PTPRD: variants seen among roughly 807,000 people sequenced by gnomAD.
PTPRD encodes the protein protein tyrosine phosphatase receptor type D.
A neutral mutation model predicts 214.5 loss-of-function variants in PTPRD; 34 were observed. That is an observed-to-expected ratio of 0.16 (90% CI 0.12 to 0.21). The LOEUF (loss-of-function observed/expected upper bound fraction) is 0.21, where lower values mean the gene tolerates loss of function less well. Ranked by LOEUF, PTPRD falls within the 10% of genes least tolerant of loss-of-function variation. The pLI, the probability that PTPRD is intolerant of heterozygous loss-of-function variation, is 1.00. For synonymous variants in PTPRD, 1,128 were observed against 845.7 expected (o/e 1.33, Z -5.79); for missense variants, 2,545 against 2,398.7 (o/e 1.06, Z -1.27).
chr9:10,541,232 T>A (rs1367952615), intron 2 of PTPRD, among the ~76,000 whole-genome samples: 1 of 152,122 alleles, frequency 6.6e-6, no homozygotes, highest in Non-Finnish European at 1.5e-5. Context: ...GATTGTAACA[T>A]CAATCTAAGC....
chr9:9,210,522 AAAGT>A, intron 9 of PTPRD, among the ~76,000 whole-genome samples: 1 of 152,312 alleles, frequency 6.6e-6, no homozygotes, highest in South Asian at 2.1e-4. Context: ...ACTTTATTAT[AAAGT>A]TAGTTCCACT....
chr9:8,813,276 G>A (rs897062056), intron 11 of PTPRD, among the ~76,000 whole-genome samples: 3 of 152,090 alleles, frequency 2.0e-5, no homozygotes, highest in Admixed American at 6.6e-5. Context: ...GGGGGGCAGA[G>A]GCTGGAGGAA....
At chr9:9,839,348 G>C (rs2057703977) in intron 5 of PTPRD, among the ~76,000 whole-genome samples, 2 of 152,062 alleles carry the variant, frequency 1.3e-5, no homozygotes, top group African/African-American at 4.8e-5. Flanking sequence ...AGCAAATTCA[G>C]CAAAGTCTCA....
intron 8 of PTPRD, among the ~76,000 whole-genome samples, chr9:9,469,436 C>A (rs2094441708): frequency 6.6e-6 from 1 of 152,270 alleles, no homozygotes; most frequent in Non-Finnish European, 1.5e-5. Context: ...GACCGATGTA[C>A]TTGGGTTCCA....
At chr9:9,925,264 T>C (rs1422583909) in intron 5 of PTPRD, among the ~76,000 whole-genome samples, 3 of 152,042 alleles carry the variant, frequency 2.0e-5, no homozygotes, top group African/African-American at 4.8e-5. Flanking sequence ...TATTACAGGG[T>C]AGGATAAAAT....
At chr9:8,666,749 T>C (rs994384926) in intron 12 of PTPRD, among the ~76,000 whole-genome samples, 15 of 152,174 alleles carry the variant, frequency 9.9e-5, no homozygotes, top group Non-Finnish European at 2.2e-4. Flanking sequence ...ATAATGAATG[T>C]CCTGTGAGTT....
chr9:10,238,857 A>T (rs1004396325), intron 3 of PTPRD, among the ~76,000 whole-genome samples: 1 of 151,966 alleles, frequency 6.6e-6, no homozygotes, highest in South Asian at 2.1e-4. Flanking sequence ...GACTGTTCAC[A>T]GAAGCAGTAC....
At chr9:10,305,397 A>C (rs2154410873) in intron 3 of PTPRD, among the ~76,000 whole-genome samples, 1 of 150,934 alleles carries the variant, frequency 6.6e-6, no homozygotes, top group Non-Finnish European at 1.5e-5. Context: ...AAAAAAAAAA[A>C]AAAAAAGCCA....
intron 2 of PTPRD, among the ~76,000 whole-genome samples, chr9:10,516,195 G>C (rs2050043799): frequency 6.6e-6 from 1 of 151,624 alleles, no homozygotes; most frequent in Admixed American, 6.6e-5. Context: ...CCTACTAACA[G>C]CGTTCAAGGG....
At chr9:10,578,271 G>C (rs1267752590) in intron 2 of PTPRD, among the ~76,000 whole-genome samples, 3 of 152,048 alleles carry the variant, frequency 2.0e-5, no homozygotes, top group East Asian at 1.9e-4. Flanking sequence ...AACACAATTA[G>C]ATGCACAGAT....
At chr9:8,351,265 G>A (rs1363994790) in intron 39 of PTPRD, among the ~76,000 whole-genome samples, 1 of 152,006 alleles carries the variant, frequency 6.6e-6, no homozygotes, top group East Asian at 1.9e-4. Context: ...GTCCATTCAG[G>A]ATTACATATC....
chr9:10,356,566 C>G (rs1179172423), intron 2 of PTPRD, among the ~76,000 whole-genome samples: 2 of 152,160 alleles, frequency 1.3e-5, no homozygotes, highest in African/African-American at 4.8e-5. Context: ...GGATACATAA[C>G]TACAGTTGCA....
intron 10 of PTPRD, among the ~76,000 whole-genome samples, chr9:9,155,890 G>A (rs112189371): frequency 2.0e-5 from 3 of 152,166 alleles, no homozygotes; most frequent in African/African-American, 7.2e-5. Flanking sequence ...AATAATGCAG[G>A]CACTCATTTC....
intron 5 of PTPRD, among the ~76,000 whole-genome samples, chr9:9,795,993 G>C (rs967370009): frequency 1.3e-5 from 2 of 151,734 alleles, no homozygotes; most frequent in Admixed American, 1.3e-4. Flanking sequence ...CAAGAAAAAA[G>C]AAAATATATA....
chr9:10,536,986 T>C (rs980568697), intron 2 of PTPRD, among the ~76,000 whole-genome samples: 2 of 152,178 alleles, frequency 1.3e-5, no homozygotes. Flanking sequence ...AAAGCTCCTT[T>C]TCCTTCTGGG....
chr9:8,563,568 T>C (rs957346484), intron 14 of PTPRD, among the ~76,000 whole-genome samples: 19 of 150,786 alleles, frequency 1.3e-4, no homozygotes, highest in African/African-American at 4.4e-4. Flanking sequence ...TCCTGAGTAG[T>C]TGGGACTATA....
At chr9:9,033,706 C>T (rs1381216204) in intron 10 of PTPRD, among the ~76,000 whole-genome samples, 1 of 152,046 alleles carries the variant, frequency 6.6e-6, no homozygotes, top group Non-Finnish European at 1.5e-5. Flanking sequence ...CTCTCTCTAT[C>T]TCTGTTCTTT....
chr9:9,239,904 G>A (rs1262364707), intron 9 of PTPRD, among the ~76,000 whole-genome samples: 1 of 152,148 alleles, frequency 6.6e-6, no homozygotes, highest in Non-Finnish European at 1.5e-5. Flanking sequence ...GGCACCATCT[G>A]ATTGCTCAAA....
At chr9:10,497,645 G>C (rs1032376242) in intron 2 of PTPRD, among the ~76,000 whole-genome samples, 7 of 151,862 alleles carry the variant, frequency 4.6e-5, no homozygotes, top group African/African-American at 1.7e-4. Context: ...TGCAATGGCG[G>C]ATATGCTAAA....
Sources: allele counts gnomAD v4.1 joint callset (sites outside exome capture counted in the v4.1 genomes callset), GRCh38; gene constraint gnomAD v4.1.1; transcripts MANE v1.5; gene names NCBI Gene and HGNC (gene_info 2026-07-23, HGNC 2026-07-21).